Variants in SLC2A4RG observed in about 807,000 individuals in gnomAD.
SLC2A4RG encodes the protein GLUT4 enhancer factor.
Under a neutral mutation model 35.5 loss-of-function variants are expected in SLC2A4RG, and 23 were observed. The ratio of observed to expected loss-of-function variants is 0.65; its 90% confidence interval spans 0.47 to 0.92. The LOEUF (loss-of-function observed/expected upper bound fraction) is 0.92, where lower values mean the gene tolerates loss of function less well. Among genes scored for constraint, SLC2A4RG ranks in the 40% least tolerant of loss-of-function variants. The probability of loss-of-function intolerance (pLI) is 0.00; values close to 1 mark genes in which losing one functional copy is unlikely to be tolerated. For synonymous variants in SLC2A4RG, 306 were observed against 243.7 expected (o/e 1.26, Z -2.38); for missense variants, 539 against 525.0 (o/e 1.03, Z -0.26).
chr20:63,740,328 C>G, intron 1 of SLC2A4RG, 49 bp from the exon 2 acceptor site: 1 of 1,167,406 alleles, frequency 8.6e-7, no homozygotes, highest in Admixed American at 4.3e-5. Flanking sequence ...GAGGGACCCC[C>G]CTCCCCCGGC....
At chr20:63,741,667 C>T (rs1279094780) in intron 3 of SLC2A4RG, among the ~76,000 whole-genome samples, 188 bp downstream of exon 3, 1 of 152,244 alleles carries the variant, frequency 6.6e-6, no homozygotes, top group African/African-American at 2.4e-5. Context: ...CCTCCCTGAC[C>T]TGCTCACCTC....
chr20:63,742,985 G>A lies in SLC2A4RG; in HGVS notation c.1159G>A (p.Asp387Asn). The change falls in exon 8 of 8, where the codon GAC (aspartate) becomes AAC (asparagine). Residue 387 changes from aspartate to asparagine, a missense_variant. Transcript: ENST00000266077. ...GAAGAAAGCCTGCCAGCGGTTCCTG[G>A]ACTAAGTCCGGCTCGTTCAAGAACA... ...RWKKACQRFL[D>N] is the part of the protein sequence containing the mutation. The A allele has an allele frequency of 6.2e-7, 1 of 1,609,054 alleles. No individual in the cohort carries two copies. Among genetic ancestry groups the A allele is most frequent in the East Asian group, 2.2e-5 (1 of 44,752 alleles).
At position 63,741,682 on chromosome 20, in the gene SLC2A4RG, C is replaced by T. The variant is rs551626980; in HGVS notation, c.392-187C>T. On this transcript the variant is annotated intron_variant, in intron 3 of 7. Coordinates refer to ENST00000266077, the MANE Select transcript of SLC2A4RG (RefSeq NM_020062.4). Reference sequence around the variant, plus strand: ...CCTCCCTGACCTGCTCACCTCCACGCGGCTGGCCACACACGTCTGCCAACC... The same window carrying T: ...CCTCCCTGACCTGCTCACCTCCACGTGGCTGGCCACACACGTCTGCCAACC... Among the ~76,000 whole-genome samples the T allele has an allele frequency of 2.5e-3, 381 of 152,338 alleles. 2 individuals carry two copies. The highest frequency in any genetic ancestry group is 4.4e-3 in the Non-Finnish European group (301 of 68,026).
intron 2 of SLC2A4RG, among the ~76,000 whole-genome samples, chr20:63,740,959 T>G (rs1021260390): frequency 6.6e-6 from 1 of 152,162 alleles, no homozygotes; most frequent in African/African-American, 2.4e-5. Context: ...AGTCTCCCCC[T>G]GGCTGCTGCC....
In SLC2A4RG at chr20:63,742,056, G is replaced by A. The variant is rs1342377665; in HGVS notation, c.579G>A (p.Lys193=). ...GGGAGCCCACCCTGAGAAAAAGGAAGGTGAGCTTGGGGGCGGCCCCCAGGG... is the reference window on the plus strand; with the variant it reads ...GGGAGCCCACCCTGAGAAAAAGGAAAGTGAGCTTGGGGGCGGCCCCCAGGG... ...LFGEPTLRKR[K]SPAQVMFQCL... Residue 193 remains lysine (K), a splice_region_variant and synonymous_variant, in exon 4 of 8, where the codon AAG becomes AAA. Coordinates refer to ENST00000266077, the MANE Select transcript of SLC2A4RG (RefSeq NM_020062.4). 1 of 1,611,318 alleles carries A rather than the reference G, an allele frequency of 6.2e-7. No homozygotes were observed. Among genetic ancestry groups the A allele is most frequent in the Non-Finnish European group, 8.5e-7 (1 of 1,178,426 alleles).
At chr20:63,741,725 G>T (rs2092042539) in intron 3 of SLC2A4RG, 144 bp from the exon 4 acceptor site, 1 of 1,417,870 alleles carries the variant, frequency 7.1e-7, no homozygotes, top group East Asian at 2.5e-5. Flanking sequence ...GTGCCGGGGG[G>T]GTTTCTCCCC....
rs369712293 is a variant in SLC2A4RG, at chr20:63,742,931, C to A, written c.1105C>A (p.Arg369=). 3 of 1,612,354 alleles carry A rather than the reference C, an allele frequency of 1.9e-6. No homozygotes were observed. Among genetic ancestry groups the A allele is most frequent in the East Asian group, 2.2e-5 (1 of 44,878 alleles). ...KCRKVYGMER[R]DLWCTACRWK... ...CCGGAAGGTGTATGGCATGGAGCGCCGGGACCTCTGGTGCACAGCCTGCCG... is the reference window on the plus strand; with the variant it reads ...CCGGAAGGTGTATGGCATGGAGCGCAGGGACCTCTGGTGCACAGCCTGCCG... The change falls in exon 8 of 8, where the codon CGG becomes AGG. Residue 369 remains arginine (R), a synonymous_variant. Transcript: ENST00000266077.
chr20:63,742,759 G>T lies in SLC2A4RG; in HGVS notation c.1021G>T (p.Ala341Ser). Residue 341 changes from alanine (A) to serine (S), a missense_variant, in exon 7 of 8, where the codon GCC becomes TCC. Coordinates refer to ENST00000266077, the MANE Select transcript of SLC2A4RG (RefSeq NM_020062.4). Reference sequence around the variant, plus strand: ...CACGGAGGTCGGAGCCTGCCCACCCGCCTTGTCCTCCAGGATCGGAGTCAC... The same window carrying T: ...CACGGAGGTCGGAGCCTGCCCACCCTCCTTGTCCTCCAGGATCGGAGTCAC... ...QPTEVGACPP[A>S]LSSRIGVTLR... 1 of 1,593,250 alleles carries T rather than the reference G, an allele frequency of 6.3e-7. No homozygotes were observed.
chr20:63,740,018 A>T lies in SLC2A4RG; in HGVS notation c.106A>T (p.Thr36Ser). 1.0e-6 allele frequency: 1 copy of T among 980,500 alleles called. No homozygotes were observed. The highest frequency in any genetic ancestry group is 1.2e-6 in the Non-Finnish European group (1 of 828,168). 60.7% of individuals were successfully genotyped at this position (980,500 alleles called of 1,614,324 possible). The change falls in exon 1 of 8, where the codon ACG (threonine) becomes TCG (serine). Residue 36 changes from threonine (T) to serine (S), a missense_variant. Transcript: ENST00000266077. ...TCCGGGGCCGCGCGCCGCGCCCGTG[A>T]CGGTGCCCACGCCGCCGCAGGTACC... The part of the protein sequence containing the change: ...EGPGPRAAPV[T>S]VPTPPQGSSV...
At position 63,742,410 on chromosome 20, in the gene SLC2A4RG, C is replaced by T. The variant is rs773201767; in HGVS notation, c.755C>T (p.Thr252Met). The T allele has an allele frequency of 8.1e-6, 13 of 1,610,496 alleles. No homozygotes were observed. The highest frequency in any genetic ancestry group is 3.3e-5 in the Admixed American group (2 of 59,762). The stretch of plus-strand genomic sequence containing the variant: ...ACAGAGCTGGATGTTGGTGTGGACA[C>T]GCTGACCGACGGGCTGTCCAGCCTG... ...YYTELDVGVD[T>M]LTDGLSSLTP... The change falls in exon 6 of 8, where the codon ACG becomes ATG. Residue 252 changes from threonine (T) to methionine (M), a missense_variant. Physicochemically the swap from Thr to Met is moderately conservative, Grantham distance 81. Transcript: ENST00000266077.
In SLC2A4RG at chr20:63,742,479, G is replaced by A. The variant is rs749266529; in HGVS notation, c.824G>A (p.Arg275His). ...GCCTCCATGCCGCCTGCCTTCCCCCGCCTGGAGCTGCCAGAGCTGCTGGAG... is the reference window on the plus strand; with the variant it reads ...GCCTCCATGCCGCCTGCCTTCCCCCACCTGGAGCTGCCAGAGCTGCTGGAG... Reference protein sequence around the residue: ...PTASMPPAFPRLELPELLEPP... With the variant: ...PTASMPPAFPHLELPELLEPP... The change falls in exon 6 of 8, where the codon CGC becomes CAC. Residue 275 changes from arginine to histidine, a missense_variant. By Grantham distance (29) the Arg-to-His change is conservative. Transcript: ENST00000266077. 19 of 1,582,018 alleles carry A rather than the reference G, an allele frequency of 1.2e-5. No individual in the cohort carries two copies. Among genetic ancestry groups the A allele is most frequent in the Admixed American group, 1.8e-5 (1 of 55,528 alleles).
chr20:63,742,743 C>T lies in SLC2A4RG; in HGVS notation c.1005C>T (p.Val335=), dbSNP rs7996. The change falls in exon 7 of 8, where the codon GTC becomes GTT. Residue 335 remains valine, a synonymous_variant. Transcript: ENST00000266077. ...GCCTGGAGCCGCAGCCCACGGAGGT[C>T]GGAGCCTGCCCACCCGCCTTGTCCT... is the stretch of plus-strand genomic sequence containing the variant. ...PARLEPQPTE[V]GACPPALSSR... The T allele has an allele frequency of 7.3e-3, 11,634 of 1,595,692 alleles. 735 individuals carry two copies. In the African/African-American group the frequency reaches 0.13, roughly 18 times the overall value.
At chr20:63,741,096 C>T (rs1045498517) in intron 2 of SLC2A4RG, among the ~76,000 whole-genome samples, 5 of 152,228 alleles carry the variant, frequency 3.3e-5, no homozygotes, top group Non-Finnish European at 7.3e-5. Context: ...CTTCAGACCC[C>T]TGCCCAGCCC....
Position 63,742,737 on chromosome 20 carries a change from G to A in SLC2A4RG, c.999G>A (p.Thr333=), listed in dbSNP as rs560872811. The A allele has an allele frequency of 1.0e-5, 16 of 1,596,874 alleles. No individual in the cohort carries two copies. Among genetic ancestry groups the A allele is most frequent in the African/African-American group, 8.0e-5 (6 of 74,740 alleles). Residue 333 remains threonine, a synonymous_variant, in exon 7 of 8, where the codon ACG becomes ACA. Coordinates refer to ENST00000266077, the MANE Select transcript of SLC2A4RG (RefSeq NM_020062.4). ...CCGCCCGCCTGGAGCCGCAGCCCAC[G>A]GAGGTCGGAGCCTGCCCACCCGCCT... The part of the protein sequence containing the change: ...LTPARLEPQP[T]EVGACPPALS...
In SLC2A4RG at chr20:63,741,496, T is replaced by A. The variant is rs754724224; in HGVS notation, c.391+17T>A. 6.2e-7 allele frequency: 1 copy of A among 1,605,962 alleles called. No homozygotes were observed. Among genetic ancestry groups the A allele is most frequent in the East Asian group, 2.2e-5 (1 of 44,816 alleles). On this transcript the variant is annotated intron_variant, in intron 3 of 7. Coordinates refer to ENST00000266077, the MANE Select transcript of SLC2A4RG (RefSeq NM_020062.4). ...TCAGCCCAGGTAAGACTCAGATGTCTGCATTTAGGGGTGTGGGTGGGGACA... is the reference window on the plus strand; with the variant it reads ...TCAGCCCAGGTAAGACTCAGATGTCAGCATTTAGGGGTGTGGGTGGGGACA...
rs1267792802 is a variant in SLC2A4RG, at chr20:63,742,367, G to A, written c.712G>A (p.Glu238Lys). 3 of 1,610,500 alleles carry A rather than the reference G, an allele frequency of 1.9e-6. No individual in the cohort carries two copies. The highest frequency in any genetic ancestry group is 2.5e-6 in the Non-Finnish European group (3 of 1,178,476). ...RQAEPEQSDGEEDFYYTELDV... is the reference protein window; with the variant it reads ...RQAEPEQSDGKEDFYYTELDV... The stretch of plus-strand genomic sequence containing the variant: ...GGCAGAGCCTGAGCAGAGTGATGGT[G>A]AGGAGGACTTCTACTACACAGAGCT... Residue 238 changes from glutamate to lysine, a missense_variant, in exon 6 of 8, where the codon GAG becomes AAG. Physicochemically the swap from Glu to Lys is moderately conservative, Grantham distance 56 (BLOSUM62 1). Transcript: ENST00000266077.
chr20:63,741,057 C>G (rs930037676), intron 2 of SLC2A4RG, among the ~76,000 whole-genome samples: 6 of 152,208 alleles, frequency 3.9e-5, no homozygotes, highest in Admixed American at 6.5e-5. Context: ...TGGGGGGAGG[C>G]CTGGGCCTGG....
Position 63,742,378 on chromosome 20 carries a change from C to A in SLC2A4RG, c.723C>A (p.Phe241Leu). Residue 241 changes from phenylalanine to leucine, a missense_variant, in exon 6 of 8, where the codon TTC (phenylalanine) becomes TTA (leucine). By Grantham distance (22) the Phe-to-Leu change is conservative. Coordinates refer to ENST00000266077, the MANE Select transcript of SLC2A4RG (RefSeq NM_020062.4). Reference protein sequence around the residue: ...EPEQSDGEEDFYYTELDVGVD... With the variant: ...EPEQSDGEEDLYYTELDVGVD... ...AGCAGAGTGATGGTGAGGAGGACTT[C>A]TACTACACAGAGCTGGATGTTGGTG... 1 of 1,611,474 alleles carries A rather than the reference C, an allele frequency of 6.2e-7. No homozygotes were observed. The highest frequency in any genetic ancestry group is 8.5e-7 in the Non-Finnish European group (1 of 1,179,186).
rs773096149 is a variant in SLC2A4RG, at chr20:63,742,191, C to T, written c.641C>T (p.Ala214Val). The T allele has an allele frequency of 3.7e-6, 6 of 1,601,404 alleles. No homozygotes were observed. Among genetic ancestry groups the T allele is most frequent in the South Asian group, 1.1e-5 (1 of 89,684 alleles). Residue 214 changes from alanine (A) to valine (V), a missense_variant, in exon 5 of 8, where the codon GCG becomes GTG. Physicochemically the swap from Ala to Val is moderately conservative, Grantham distance 64. Transcript: ENST00000266077. Reference protein sequence around the residue: ...WKSCGKVLSTASAMQRHIRLV... With the variant: ...WKSCGKVLSTVSAMQRHIRLV... ...AGCTGCGGGAAGGTGCTGAGCACGGCGTCGGCGATGCAGAGACACATCCGC... is the reference window on the plus strand; with the variant it reads ...AGCTGCGGGAAGGTGCTGAGCACGGTGTCGGCGATGCAGAGACACATCCGC...
Sources: allele counts gnomAD v4.1 joint callset (sites outside exome capture counted in the v4.1 genomes callset), GRCh38; gene constraint gnomAD v4.1.1; transcripts MANE v1.5; gene names NCBI Gene and HGNC (gene_info 2026-07-23, HGNC 2026-07-21).